Variants in PCDHGA7 observed in about 807,000 individuals in gnomAD.
The protein encoded by PCDHGA7 is protocadherin gamma-A7.
A neutral mutation model predicts 58.3 loss-of-function variants in PCDHGA7; 44 were observed. The ratio of observed to expected loss-of-function variants is 0.75; its 90% CI spans 0.59 to 0.97. PCDHGA7 has a LOEUF of 0.97. Among genes scored for constraint, PCDHGA7 ranks in the 50% least tolerant of loss-of-function variants. The pLI is 0.00. For synonymous variants in PCDHGA7, 516 were observed against 504.2 expected, an observed-to-expected ratio of 1.02 and a Z score of -0.31; for missense variants, 1,266 against 1,188.7, an observed-to-expected ratio of 1.06 and a Z score of -0.96.
At chr5:141,408,723 C>G (rs1365936782) in intron 1 of PCDHGA7, 3 of 1,611,058 alleles carry the variant, frequency 1.9e-6, no homozygotes, top group Non-Finnish European at 2.5e-6. Flanking sequence ...AAGATAAACT[C>G]TAATCCTTAT....
chr5:141,454,669 AC>A (rs1292139052), intron 1 of PCDHGA7, among the ~76,000 whole-genome samples: 1 of 151,212 alleles, frequency 6.6e-6, no homozygotes, highest in African/African-American at 2.4e-5. Context: ...GCCTCCCAAA[AC>A]ACTGGGATTA....
At chr5:141,509,625 G>T (rs915049847) in intron 3 of PCDHGA7, among the ~76,000 whole-genome samples, 1 of 152,186 alleles carries the variant, frequency 6.6e-6, no homozygotes, top group Non-Finnish European at 1.5e-5. Flanking sequence ...AAGTTCCTGG[G>T]TGATGCTGAG....
intron 1 of PCDHGA7, chr5:141,426,510 T>C: frequency 2.9e-6 from 1 of 342,914 alleles, no homozygotes; most frequent in Non-Finnish European, 5.8e-6. Context: ...AACAATACTT[T>C]ACCGTGAACA....
chr5:141,403,960 G>C (rs775638627), intron 1 of PCDHGA7: 2 of 1,613,658 alleles, frequency 1.2e-6, no homozygotes, highest in African/African-American at 1.3e-5. Flanking sequence ...TGCTCATTTC[G>C]GTGGAAGATG....
At chr5:141,439,077 C>T (rs978045948) in intron 1 of PCDHGA7, among the ~76,000 whole-genome samples, 1 of 151,492 alleles carries the variant, frequency 6.6e-6, no homozygotes, top group Non-Finnish European at 1.5e-5. Flanking sequence ...CCTGTAATCC[C>T]AGCTACTCAG....
At chr5:141,501,326 CACACA>C (rs2099807944) in intron 2 of PCDHGA7, among the ~76,000 whole-genome samples, 1 of 151,784 alleles carries the variant, frequency 6.6e-6, no homozygotes, top group Non-Finnish European at 1.5e-5. Flanking sequence ...CACACACACA[CACACA>C]CACCCCAAAC....
intron 1 of PCDHGA7, chr5:141,419,835 C>T: frequency 1.2e-6 from 2 of 1,614,084 alleles, no homozygotes; most frequent in African/African-American, 1.3e-5. Flanking sequence ...GCCACTGCCA[C>T]GCTGCACCTG....
At chr5:141,497,468 G>A (rs912445126) in intron 2 of PCDHGA7, among the ~76,000 whole-genome samples, 10 of 151,996 alleles carry the variant, frequency 6.6e-5, no homozygotes, top group African/African-American at 2.4e-4. Flanking sequence ...GAGATATGGA[G>A]GAGAAGGTGC....
At chr5:141,508,324 G>A (rs1668975090) in intron 3 of PCDHGA7, 1 of 151,252 alleles carries the variant, frequency 6.6e-6, no homozygotes, top group African/African-American at 2.4e-5. Flanking sequence ...GAGGGGCACT[G>A]GAGAACTGAC....
intron 2 of PCDHGA7, among the ~76,000 whole-genome samples, chr5:141,501,288 T>TAC (rs1562199973): frequency 3.7e-5 from 3 of 81,228 alleles, no homozygotes; most frequent in South Asian, 4.2e-4. Context: ...GATATTCCCT[T>TAC]ATACACACAC....
intron 2 of PCDHGA7, among the ~76,000 whole-genome samples, chr5:141,503,388 A>C (rs1456500896): frequency 6.6e-6 from 1 of 152,004 alleles, no homozygotes; most frequent in East Asian, 1.9e-4. Flanking sequence ...TGAGGTCAGG[A>C]GTTCGAAACC....
chr5:141,491,800 C>G lies in PCDHGA7; in HGVS notation c.2425-3007C>G. The G allele has an allele frequency of 6.7e-7, 1 of 1,500,854 alleles. No individual in the cohort carries two copies. The highest frequency in any genetic ancestry group is 8.9e-7 in the Non-Finnish European group (1 of 1,125,316). 93.0% of individuals were successfully genotyped at this position (1,500,854 alleles called of 1,614,324 possible). A position where few individuals can be genotyped will look rare whatever the true frequency, so the allele number is the denominator to read the frequency against. ...GAACTTGCATCCACTCCTCTCCGGC[C>G]GGCTTGGTCGCTGGCTGCGCTCCAC... On this transcript the variant is annotated intron_variant, in intron 1 of 3. Transcript: ENST00000518325. The surrounding 1 kb of genome is among the most constrained non-coding windows in gnomAD (Gnocchi z 6.9).
chr5:141,411,515 T>A (rs1381474249), intron 1 of PCDHGA7: 1 of 151,910 alleles, frequency 6.6e-6, no homozygotes, highest in East Asian at 1.9e-4. Flanking sequence ...TCCTGGGAGG[T>A]CAAGGTTGCA....
intron 1 of PCDHGA7, chr5:141,387,672 C>T (rs1222648666): frequency 5.7e-6 from 4 of 707,372 alleles, no homozygotes; most frequent in Non-Finnish European, 9.1e-6. Flanking sequence ...CTCCAGATCT[C>T]CTCGCGCAGC....
chr5:141,488,815 T>A (rs769851687), intron 1 of PCDHGA7, among the ~76,000 whole-genome samples: 30 of 152,144 alleles, frequency 2.0e-4, no homozygotes, highest in Non-Finnish European at 4.1e-4. Context: ...ATCTGAGCTG[T>A]CAAACTTTGC....
At chr5:141,452,554 G>A (rs2098744143) in intron 1 of PCDHGA7, among the ~76,000 whole-genome samples, 1 of 152,140 alleles carries the variant, frequency 6.6e-6, no homozygotes, top group Admixed American at 6.5e-5. Context: ...TCCAGTTCTG[G>A]TTCTTCCTAG....
intron 1 of PCDHGA7, among the ~76,000 whole-genome samples, chr5:141,481,148 C>G (rs2099532606): frequency 6.6e-6 from 1 of 152,176 alleles, no homozygotes; most frequent in Non-Finnish European, 1.5e-5. Context: ...AAGTGTTATT[C>G]TGGTATTTGC....
At chr5:141,441,537 C>A in intron 1 of PCDHGA7, 1 of 173,250 alleles carries the variant, frequency 5.8e-6, no homozygotes, top group Non-Finnish European at 1.2e-5. Context: ...ACAATCTTCC[C>A]AAAGCCTCCA....
At position 141,511,393 on chromosome 5, in the gene PCDHGA7, C is replaced by G. The variant is rs1257680621; in HGVS notation, c.*220C>G. The G allele has an allele frequency of 2.8e-6, 3 of 1,067,816 alleles. No individual in the cohort carries two copies. The highest frequency in any genetic ancestry group is 3.9e-6 in the Non-Finnish European group (3 of 764,518). The allele number at this position is 1,067,816 out of a possible 1,614,324, so 66.1% of individuals were successfully genotyped here. A position where few individuals can be genotyped will look rare whatever the true frequency, so the allele number is the denominator to read the frequency against. On this transcript the variant is annotated 3_prime_UTR_variant, in exon 4 of 4. Coordinates refer to ENST00000518325, the MANE Select transcript of PCDHGA7 (RefSeq NM_018920.4). ...CAAAAGCAGTTCCGCTGGGAACCCC[C>G]ATCCAATCAACTGCTGTACCCATGG...
Sources: gnomAD v4.1 joint callset for allele counts (sites outside exome capture counted in the v4.1 genomes callset) on GRCh38, gnomAD v4.1.1 for gene constraint, Gnocchi (gnomAD v3.1) non-coding constraint, MANE v1.5 for transcripts, NCBI Gene and HGNC (gene_info 2026-07-23, HGNC 2026-07-21) for gene names.